Variants in ADGRL3 observed in about 807,000 individuals in gnomAD.
ADGRL3 encodes adhesion G protein-coupled receptor L3.
In ADGRL3, 62 loss-of-function variants were observed where a neutral mutation model predicts 153.5. That is an observed-to-expected ratio of 0.40 (90% CI 0.33 to 0.50). The LOEUF (loss-of-function observed/expected upper bound fraction) is 0.50, where lower values mean the gene tolerates loss of function less well. Among genes scored for constraint, ADGRL3 ranks in the 20% least tolerant of loss-of-function variants. The probability of loss-of-function intolerance (pLI) is 0.47; values close to 1 mark genes in which losing one functional copy is unlikely to be tolerated. For synonymous variants in ADGRL3, 710 were observed against 672.5 expected, an observed-to-expected ratio of 1.06 and a Z score of -0.86; for missense variants, 1,641 against 1,859.4, an observed-to-expected ratio of 0.88 and a Z score of 2.16.
chr4:61,400,090 T>C (rs1240094536), intron 2 of ADGRL3, among the ~76,000 whole-genome samples: 1 of 151,800 alleles, frequency 6.6e-6, no homozygotes, highest in Non-Finnish European at 1.5e-5. Context: ...TAGCTTCTAC[T>C]GGAGTGCTGA....
At chr4:61,419,362 T>C (rs979792520) in intron 2 of ADGRL3, among the ~76,000 whole-genome samples, 1 of 150,624 alleles carries the variant, frequency 6.6e-6, no homozygotes, top group Non-Finnish European at 1.5e-5. Context: ...TGAAAACAAG[T>C]GAGATAACTA....
At chr4:61,695,033 C>G (rs2095614903) in intron 6 of ADGRL3, among the ~76,000 whole-genome samples, 1 of 152,152 alleles carries the variant, frequency 6.6e-6, no homozygotes, top group South Asian at 2.1e-4. Context: ...TTGCTATTTG[C>G]ACCATATCTT....
At position 61,973,206 on chromosome 4, in the gene ADGRL3, A is replaced by AT. The variant is rs1207630797; in HGVS notation, c.2806-6349dup. Among the ~76,000 whole-genome samples, 3 of 151,786 alleles carry AT rather than the reference A, an allele frequency of 2.0e-5. No individual in the cohort carries two copies. The East Asian group carries it at 5.8e-4, about 30-fold the overall frequency. ...TCTTAGTGTACTTTATGTGATTATT[A>AT]TTTTTTTTAAATCATAAGGCAAAAG... On this transcript the variant is annotated intron_variant, in intron 17 of 26. Transcript: ENST00000683033.
chr4:61,886,712 G>T (rs1366850604), intron 9 of ADGRL3, among the ~76,000 whole-genome samples: 2 of 152,010 alleles, frequency 1.3e-5, no homozygotes, highest in Non-Finnish European at 2.9e-5. Context: ...GGCAACCTGG[G>T]TTCACTTCAA....
chr4:61,636,498 A>G (rs773056050), intron 5 of ADGRL3, among the ~76,000 whole-genome samples: 12 of 152,038 alleles, frequency 7.9e-5, no homozygotes, highest in Non-Finnish European at 1.8e-4. Context: ...TAGAATTAAT[A>G]CTCCACCAAA....
chr4:61,650,787 C>T (rs893500436), intron 5 of ADGRL3, among the ~76,000 whole-genome samples: 2 of 151,898 alleles, frequency 1.3e-5, no homozygotes, highest in Non-Finnish European at 2.9e-5. Flanking sequence ...GCATACTTCA[C>T]CTGAACCATA....
rs995448 is a variant in ADGRL3, at chr4:61,953,096, T to C, written c.2805+4820T>C. Among the ~76,000 whole-genome samples the C allele has an allele frequency of 1.4e-4, 21 of 152,308 alleles. No individual in the cohort carries two copies. In the East Asian group the frequency reaches 2.5e-3, roughly 18 times the overall value. ...AGAAAACAAGGAGACTGATCATCTC[T>C]AGAGTTTCAAAAAGAAACACACTAA... On this transcript the variant is annotated intron_variant, in intron 17 of 26. Transcript: ENST00000683033.
At chr4:61,383,214 A>AC (rs2096692468) in intron 2 of ADGRL3, 25 bp downstream of exon 2, 1 of 151,822 alleles carries the variant, frequency 6.6e-6, no homozygotes, top group Admixed American at 6.6e-5. Flanking sequence ...ATTATTGCCA[A>AC]CCATATAATT....
chr4:61,831,106 C>T lies in ADGRL3; in HGVS notation c.1480+17217C>T, dbSNP rs546430488. 1.8e-4 allele frequency among the ~76,000 whole-genome samples: 27 copies of T among 151,990 alleles called. No individual in the cohort carries two copies. In the South Asian group the frequency reaches 5.4e-3, roughly 30 times the overall value. The stretch of plus-strand genomic sequence containing the variant: ...ATTTCACCGTGTTGGCCAGGCTGGT[C>T]TCAAATGCCTGACCTCAAGGGATCC... On this transcript the variant is annotated intron_variant, in intron 9 of 26. Transcript: ENST00000683033.
intron 6 of ADGRL3, among the ~76,000 whole-genome samples, chr4:61,687,477 A>G (rs1248576348): frequency 6.6e-6 from 1 of 152,036 alleles, no homozygotes; most frequent in African/African-American, 2.4e-5. Context: ...TTTGCTTTCT[A>G]AATAAAGATT....
At chr4:61,445,703 A>T (rs1052679293) in intron 2 of ADGRL3, among the ~76,000 whole-genome samples, 1 of 152,182 alleles carries the variant, frequency 6.6e-6, no homozygotes, top group Non-Finnish European at 1.5e-5. Context: ...AGAGACTTTC[A>T]TTGAGCTCTC....
chr4:62,030,412 C>T (rs1240092016), intron 22 of ADGRL3, among the ~76,000 whole-genome samples: 1 of 151,458 alleles, frequency 6.6e-6, no homozygotes, highest in Non-Finnish European at 1.5e-5. Flanking sequence ...TAGTGTATAG[C>T]GATCTCTACT....
At chr4:61,384,851 T>C (rs190162722) in intron 2 of ADGRL3, among the ~76,000 whole-genome samples, 7 of 152,150 alleles carry the variant, frequency 4.6e-5, no homozygotes, top group South Asian at 4.1e-4. Context: ...TATGATTCTA[T>C]TTATATGGTA....
intron 5 of ADGRL3, among the ~76,000 whole-genome samples, chr4:61,650,237 T>A (rs2094195856): frequency 6.6e-6 from 1 of 152,170 alleles, no homozygotes; most frequent in African/African-American, 2.4e-5. Flanking sequence ...AAAATACCAT[T>A]TTTAATAAAA....
chr4:61,966,474 A>T (rs1312607421), intron 17 of ADGRL3, among the ~76,000 whole-genome samples: 1 of 152,140 alleles, frequency 6.6e-6, no homozygotes, highest in African/African-American at 2.4e-5. Flanking sequence ...ATATCTGGGT[A>T]ACTCATATCT....
chr4:62,031,403 A>C (rs763873953), intron 22 of ADGRL3, 39 bp from the exon 23 acceptor site: 10 of 1,501,448 alleles, frequency 6.7e-6, no homozygotes, highest in Non-Finnish European at 7.2e-6. Flanking sequence ...ATTAAAGATC[A>C]ATTATTTAAT....
At chr4:61,280,299 G>A (rs902750412) in intron 1 of ADGRL3, among the ~76,000 whole-genome samples, 2 of 151,316 alleles carry the variant, frequency 1.3e-5, no homozygotes, top group African/African-American at 2.4e-5. Context: ...TAGTAGAGAC[G>A]GGTTTCACCA....
At chr4:61,692,585 G>T (rs1376117610) in intron 6 of ADGRL3, among the ~76,000 whole-genome samples, 1 of 151,812 alleles carries the variant, frequency 6.6e-6, no homozygotes, top group African/African-American at 2.4e-5. Context: ...TGAGTTTACA[G>T]GCACCTGCCC....
At chr4:62,043,347 A>G (rs964487600) in intron 24 of ADGRL3, among the ~76,000 whole-genome samples, 4 of 152,036 alleles carry the variant, frequency 2.6e-5, no homozygotes, top group East Asian at 1.9e-4. Flanking sequence ...CCAACTAATA[A>G]AACAAATGTG....
Sources: gnomAD v4.1 joint callset for allele counts (sites outside exome capture counted in the v4.1 genomes callset) on GRCh38, gnomAD v4.1.1 for gene constraint, MANE v1.5 for transcripts, NCBI Gene and HGNC (gene_info 2026-07-23, HGNC 2026-07-21) for gene names.